The following KIAA0319L variants were observed in gnomAD, a reference collection of about 807,000 sequenced individuals.
The protein encoded by KIAA0319L is KIAA0319 like, also known as dyslexia-associated protein KIAA0319-like protein.
KIAA0319L carries 55 observed loss-of-function variants against 120.1 expected under a neutral mutation model. That is an observed-to-expected ratio of 0.46 (90% confidence interval 0.37 to 0.57). The LOEUF (loss-of-function observed/expected upper bound fraction) is 0.57. Among genes scored for constraint, KIAA0319L ranks in the 20% least tolerant of loss-of-function variants. The probability of loss-of-function intolerance (pLI) is 0.00; values close to 1 mark genes in which losing one functional copy is unlikely to be tolerated. For synonymous variants in KIAA0319L, 398 were observed against 471.9 expected (o/e 0.84, Z 2.03); for missense variants, 1,049 against 1,255.3 (o/e 0.84, Z 2.48).
chr1:35,453,785 C>T lies in KIAA0319L; in HGVS notation c.1781-96G>A. On this transcript the variant is annotated intron_variant, in intron 11 of 20. Coordinates refer to ENST00000325722, the MANE Select transcript of KIAA0319L (RefSeq NM_024874.5). The surrounding 1 kb of genome is among the most constrained non-coding windows in gnomAD (Gnocchi z 4.1). ...CATGTTCTGGAAGCCATGGACTCTG[C>T]CTCTCAGGCCACAGAACTGTCAGAT... 1 of 1,235,382 alleles carries T rather than the reference C, an allele frequency of 8.1e-7. No individual in the cohort carries two copies. The highest frequency in any genetic ancestry group is 2.5e-5 in the East Asian group (1 of 39,230). 76.5% of individuals were successfully genotyped at this position (1,235,382 alleles called of 1,614,324 possible). A position where few individuals can be genotyped will look rare whatever the true frequency, so the allele number is the denominator to read the frequency against.
At chr1:35,496,490 G>C (rs1283023807) in intron 3 of KIAA0319L, among the ~76,000 whole-genome samples, 1 of 152,154 alleles carries the variant, frequency 6.6e-6, no homozygotes. Flanking sequence ...TTACCCAGGA[G>C]AAATTAAAAT....
chr1:35,557,647 G>A (rs977121618), upstream of KIAA0319L: 2 of 456,798 alleles, frequency 4.4e-6, no homozygotes, highest in Admixed American at 4.7e-5. Context: ...CCAGACTCGG[G>A]CAATACCCAC....
chr1:35,448,131 C>A, intron 16 of KIAA0319L, 42 bp downstream of exon 16: 1 of 1,539,198 alleles, frequency 6.5e-7, no homozygotes, highest in South Asian at 1.2e-5. Flanking sequence ...GCCCGGGGGC[C>A]CCTGGTCTTT....
At chr1:35,444,416 G>T in intron 16 of KIAA0319L, 113 bp from the exon 17 acceptor site, 1 of 1,011,790 alleles carries the variant, frequency 9.9e-7, no homozygotes, top group Non-Finnish European at 1.4e-6. Context: ...AGTGTTACAT[G>T]CATTCTGTTA....
chr1:35,463,765 A>C (rs1643063068), intron 7 of KIAA0319L, among the ~76,000 whole-genome samples: 2 of 152,176 alleles, frequency 1.3e-5, no homozygotes, highest in Non-Finnish European at 1.5e-5. Context: ...TCTCCACTCA[A>C]ATCTCATCTT....
intron 2 of KIAA0319L, chr1:35,511,287 A>G (rs1645433613): frequency 1.3e-5 from 2 of 152,434 alleles, no homozygotes; most frequent in Admixed American, 6.5e-5. Flanking sequence ...ACAAAAAACC[A>G]AAAACCTTTC....
intron 2 of KIAA0319L, among the ~76,000 whole-genome samples, chr1:35,543,614 G>A (rs1457500079): frequency 6.6e-6 from 1 of 152,232 alleles, no homozygotes; most frequent in Admixed American, 6.5e-5. Context: ...AGAGGCTACA[G>A]CCCTCAAAGT....
chr1:35,478,016 T>C (rs1238062800), intron 4 of KIAA0319L, among the ~76,000 whole-genome samples: 1 of 152,082 alleles, frequency 6.6e-6, no homozygotes, highest in African/African-American at 2.4e-5. Context: ...CATCAACAGA[T>C]GAATGAATAA....
chr1:35,531,383 T>C (rs752439634), intron 2 of KIAA0319L, among the ~76,000 whole-genome samples: 4 of 152,126 alleles, frequency 2.6e-5, no homozygotes, highest in African/African-American at 7.2e-5. Context: ...TCTAGGCAGA[T>C]ACGAGGGAAT....
chr1:35,481,917 C>T lies in KIAA0319L; in HGVS notation c.667-2705G>A, dbSNP rs192967828. 3.5e-3 allele frequency among the ~76,000 whole-genome samples: 524 copies of T among 149,858 alleles called. 3 individuals are homozygous for T. Among genetic ancestry groups the T allele is most frequent in the South Asian group, 7.8e-3 (37 of 4,732 alleles). ...TCGGCTCACTGCAAGCTCCACCTCC[C>T]GGGTTCATGCCATTCTCCTGCCTCA... On this transcript the variant is annotated intron_variant, in intron 3 of 20. Coordinates refer to ENST00000325722, the MANE Select transcript of KIAA0319L (RefSeq NM_024874.5).
At chr1:35,470,705 C>A (rs542618531) in intron 6 of KIAA0319L, among the ~76,000 whole-genome samples, 158 bp downstream of exon 6, 5 of 152,256 alleles carry the variant, frequency 3.3e-5, no homozygotes, top group Admixed American at 2.0e-4. Flanking sequence ...GAATCATACA[C>A]TAACAAATAC....
At chr1:35,538,862 AT>A (rs1473107725) in intron 2 of KIAA0319L, among the ~76,000 whole-genome samples, 19 of 151,688 alleles carry the variant, frequency 1.3e-4, no homozygotes, top group Non-Finnish European at 2.4e-4. Context: ...TGTAAGTCAC[AT>A]TCTACTGACA....
intron 3 of KIAA0319L, among the ~76,000 whole-genome samples, chr1:35,486,358 A>G (rs1427010554): frequency 1.4e-5 from 2 of 141,754 alleles, no homozygotes; most frequent in East Asian, 2.3e-4. Flanking sequence ...TGGATGACAG[A>G]GTAAGACCCT....
chr1:35,482,525 G>T (rs1157713227), intron 3 of KIAA0319L, among the ~76,000 whole-genome samples: 1 of 151,340 alleles, frequency 6.6e-6, no homozygotes. Context: ...CGCCTCCCAG[G>T]TTCAAGCGAT....
intron 2 of KIAA0319L, among the ~76,000 whole-genome samples, chr1:35,526,154 G>A (rs1283809975): frequency 1.3e-5 from 2 of 151,452 alleles, no homozygotes; most frequent in Admixed American, 6.6e-5. Context: ...ATTAATACGT[G>A]GGTTTATTTC....
chr1:35,500,093 G>A (rs868855363), intron 3 of KIAA0319L, among the ~76,000 whole-genome samples: 2 of 152,200 alleles, frequency 1.3e-5, no homozygotes, highest in Non-Finnish European at 2.9e-5. Flanking sequence ...ATTATTGACT[G>A]GAAACAGGGA....
chr1:35,532,395 T>C (rs1051359735), intron 2 of KIAA0319L, among the ~76,000 whole-genome samples: 7 of 152,326 alleles, frequency 4.6e-5, no homozygotes, highest in African/African-American at 1.7e-4. Context: ...AACAGTTCTT[T>C]TTCATCCATT....
At chr1:35,511,045 C>A (rs1204149845) in intron 2 of KIAA0319L, 4 of 152,178 alleles carry the variant, frequency 2.6e-5, no homozygotes, top group African/African-American at 9.7e-5. Context: ...TTAGTAAGAG[C>A]TTGACTCTTA....
At chr1:35,484,043 C>A (rs1454926229) in intron 3 of KIAA0319L, among the ~76,000 whole-genome samples, 2 of 152,152 alleles carry the variant, frequency 1.3e-5, no homozygotes, top group African/African-American at 4.8e-5. Context: ...AGGGCCCACC[C>A]TAAATACAGG....
Sources: allele counts gnomAD v4.1 joint callset (sites outside exome capture counted in the v4.1 genomes callset), GRCh38; gene constraint gnomAD v4.1.1; non-coding constraint Gnocchi (gnomAD v3.1); transcripts MANE v1.5; gene names NCBI Gene and HGNC (gene_info 2026-07-23, HGNC 2026-07-21).